The following DLGAP4 variants were observed in gnomAD, a reference collection of about 807,000 sequenced individuals.
DLGAP4 encodes the protein DLG associated protein 4, also known as disks large-associated protein 4.
In DLGAP4, 18 loss-of-function variants were observed where a neutral mutation model predicts 86.9. The observed-to-expected ratio is 0.21, with a 90% CI of 0.14 to 0.31. The LOEUF is 0.31. Among genes scored for constraint, DLGAP4 ranks in the 10% least tolerant of loss-of-function variants. The pLI is 1.00. For synonymous variants in DLGAP4, 548 were observed against 574.3 expected (o/e 0.95, Z 0.65); for missense variants, 1,085 against 1,362.6 (o/e 0.80, Z 3.21).
chr20:36,441,495 C>G (rs980899122), intron 5 of DLGAP4, among the ~76,000 whole-genome samples: 8 of 152,208 alleles, frequency 5.3e-5, no homozygotes, highest in Admixed American at 2.0e-4. Flanking sequence ...CTTATCACTG[C>G]CTGGAACTAG....
chr20:36,311,338 C>G (rs1306253386), intron 1 of DLGAP4, among the ~76,000 whole-genome samples: 3 of 152,072 alleles, frequency 2.0e-5, no homozygotes, highest in African/African-American at 7.2e-5. Flanking sequence ...TTTCCTGAGC[C>G]GAGGAGTGGG....
At chr20:36,469,729 G>T (rs1371363333) in intron 7 of DLGAP4, among the ~76,000 whole-genome samples, 1 of 150,526 alleles carries the variant, frequency 6.6e-6, no homozygotes, top group Non-Finnish European at 1.5e-5. Context: ...CTCCAGCCTG[G>T]GCAACAGAGC....
chr20:36,497,016 T>C lies in DLGAP4; in HGVS notation c.1960T>C (p.Ser654Pro), dbSNP rs2147766443. The C allele has an allele frequency of 6.2e-7, 1 of 1,612,482 alleles. No homozygotes were observed. Among genetic ancestry groups the C allele is most frequent in the Non-Finnish European group, 8.5e-7 (1 of 1,178,834 alleles). The change falls in exon 8 of 13, where the codon TCC becomes CCC. Residue 654 changes from serine (S) to proline (P), a missense_variant. Physicochemically the swap from Ser to Pro is moderately conservative, Grantham distance 74. This residue lies in a region of DLGAP4 where 1,082 missense variants were observed against 1,344.1 expected (regional missense o/e 0.81). Coordinates refer to ENST00000339266, the MANE Select transcript of DLGAP4 (RefSeq NM_001365621.2). ...ACAAGGGACGCTGACCAGCTCTGAG[T>C]CCCACCCCGAGGCCGCCCCCAAAAG... ...SEQGTLTSSE[S>P]HPEAAPKRKL...
intron 2 of DLGAP4, among the ~76,000 whole-genome samples, chr20:36,372,936 T>C (rs2031001829): frequency 6.6e-6 from 1 of 152,220 alleles, no homozygotes; most frequent in East Asian, 1.9e-4. Context: ...TTTGGAATCT[T>C]TCCTGAGTGT....
rs2037814902 is a variant in DLGAP4 at position 36,527,037 on chromosome 20, T to C, written c.*6T>C. The C allele has an allele frequency of 1.3e-6, 2 of 1,575,570 alleles. No homozygotes were observed. The highest frequency in any genetic ancestry group is 1.7e-6 in the Non-Finnish European group (2 of 1,161,966). On this transcript the variant is annotated 3_prime_UTR_variant, in exon 13 of 13. Coordinates refer to ENST00000339266, the MANE Select transcript of DLGAP4 (RefSeq NM_001365621.2). Reference sequence around the variant, plus strand: ...AGGCCCAGACCAGGCTCTGAGACCATGCAGGAGGAAAGAAACGATTTTAAA... The same window carrying C: ...AGGCCCAGACCAGGCTCTGAGACCACGCAGGAGGAAAGAAACGATTTTAAA...
intron 1 of DLGAP4, among the ~76,000 whole-genome samples, chr20:36,331,194 G>A (rs2065264460): frequency 6.6e-6 from 1 of 152,216 alleles, no homozygotes; most frequent in Non-Finnish European, 1.5e-5. Flanking sequence ...CCTGTCCAGT[G>A]CCCACACTCC....
chr20:36,438,556 AT>A (rs1293282957), intron 4 of DLGAP4, among the ~76,000 whole-genome samples: 1 of 150,590 alleles, frequency 6.6e-6, no homozygotes, highest in African/African-American at 2.4e-5. Context: ...TAATATATAC[AT>A]ATATATGTAT....
chr20:36,448,999 A>T (rs544982635), intron 7 of DLGAP4, among the ~76,000 whole-genome samples: 52 of 152,166 alleles, frequency 3.4e-4, no homozygotes, highest in African/African-American at 1.3e-3. Context: ...CAAGTGCTCA[A>T]CCGGTGTTTG....
chr20:36,519,195 C>T (rs998901362), intron 10 of DLGAP4, among the ~76,000 whole-genome samples: 13 of 151,974 alleles, frequency 8.6e-5, no homozygotes, highest in Non-Finnish European at 1.2e-4. Flanking sequence ...AGGAGGATTG[C>T]GCACGCACAG....
chr20:36,319,728 A>G (rs1288043021), intron 1 of DLGAP4, among the ~76,000 whole-genome samples: 3 of 151,916 alleles, frequency 2.0e-5, no homozygotes, highest in Admixed American at 6.5e-5. Context: ...TTGCTGCCCA[A>G]CTCCTTAGGG....
At chr20:36,471,323 G>T (rs1234678847) in intron 7 of DLGAP4, among the ~76,000 whole-genome samples, 1 of 152,016 alleles carries the variant, frequency 6.6e-6, no homozygotes, top group African/African-American at 2.4e-5. Flanking sequence ...GTGAAACCCC[G>T]TCTCTACTAA....
At chr20:36,355,903 G>A (rs1555893788) in intron 1 of DLGAP4, among the ~76,000 whole-genome samples, 2 of 152,104 alleles carry the variant, frequency 1.3e-5, no homozygotes, top group African/African-American at 4.8e-5. Flanking sequence ...CACCCCTCCC[G>A]TGAGGATAGA....
chr20:36,519,866 CT>C (rs1169880742), intron 10 of DLGAP4, among the ~76,000 whole-genome samples: 1 of 152,148 alleles, frequency 6.6e-6, no homozygotes, highest in East Asian at 1.9e-4. Context: ...TCATAGCTCA[CT>C]GCAGCCTTGA....
intron 7 of DLGAP4, among the ~76,000 whole-genome samples, chr20:36,478,877 G>A (rs2035060461): frequency 6.6e-6 from 1 of 152,160 alleles, no homozygotes; most frequent in Non-Finnish European, 1.5e-5. Context: ...ATCTCCTTGA[G>A]GGGATCAAAT....
chr20:36,399,832 G>T (rs2032104098), intron 2 of DLGAP4, among the ~76,000 whole-genome samples: 1 of 152,198 alleles, frequency 6.6e-6, no homozygotes, highest in South Asian at 2.1e-4. Flanking sequence ...CTGGTGGTGA[G>T]CTCTGAATCT....
At chr20:36,399,857 A>T (rs1240890005) in intron 2 of DLGAP4, among the ~76,000 whole-genome samples, 4 of 152,178 alleles carry the variant, frequency 2.6e-5, no homozygotes, top group African/African-American at 9.7e-5. Flanking sequence ...GTCAGGCTGT[A>T]GTCCCGAGGC....
intron 2 of DLGAP4, among the ~76,000 whole-genome samples, chr20:36,405,271 G>C (rs1345596550): frequency 6.6e-6 from 1 of 152,206 alleles, no homozygotes; most frequent in Non-Finnish European, 1.5e-5. Context: ...TCCCATCTCT[G>C]TAACCTTGGG....
At chr20:36,404,056 C>A (rs2032240163) in intron 2 of DLGAP4, among the ~76,000 whole-genome samples, 1 of 152,184 alleles carries the variant, frequency 6.6e-6, no homozygotes, top group African/African-American at 2.4e-5. Context: ...CCCGGGTCAA[C>A]CCTAGTCAGT....
intron 7 of DLGAP4, among the ~76,000 whole-genome samples, chr20:36,449,153 C>A (rs796081060): frequency 1.1e-4 from 17 of 152,252 alleles, no homozygotes; most frequent in African/African-American, 4.1e-4. Context: ...CCTGCAGGGT[C>A]CCCAGTGCCA....
Sources: gnomAD v4.1 joint callset for allele counts (sites outside exome capture counted in the v4.1 genomes callset) on GRCh38, gnomAD v4.1.1 for gene constraint, gnomAD v4.1.1 regional missense constraint, MANE v1.5 for transcripts, NCBI Gene and HGNC (gene_info 2026-07-23, HGNC 2026-07-21) for gene names.